The following TMEM40 variants were observed in gnomAD, a reference collection of about 807,000 sequenced individuals.
The protein encoded by TMEM40 is transmembrane protein 40.
In TMEM40, 34 loss-of-function variants were observed where a neutral mutation model predicts 40.8. That is an observed-to-expected ratio of 0.83 (90% confidence interval 0.63 to 1.11). The LOEUF is 1.11. TMEM40 is among the 50% of genes least tolerant of loss of function. The pLI, the probability that TMEM40 is intolerant of heterozygous loss-of-function variation, is 0.00. For synonymous variants in TMEM40, 106 were observed against 107.0 expected (o/e 0.99, Z 0.06); for missense variants, 296 against 280.2 (o/e 1.06, Z -0.40).
chr3:12,749,245 C>T (rs1241639733), intron 2 of TMEM40, among the ~76,000 whole-genome samples: 3 of 152,050 alleles, frequency 2.0e-5, no homozygotes, highest in African/African-American at 7.2e-5. Context: ...AGGATGGTCT[C>T]GATCTCCTGA....
At chr3:12,739,451 A>AT (rs955432179) in intron 5 of TMEM40, among the ~76,000 whole-genome samples, 1 of 151,530 alleles carries the variant, frequency 6.6e-6, no homozygotes, top group Non-Finnish European at 1.5e-5. Context: ...CGCCTGGCTA[A>AT]TTTTTTGTAT....
intron 10 of TMEM40, 94 bp downstream of exon 10, chr3:12,736,484 C>T: frequency 6.9e-7 from 1 of 1,453,904 alleles, no homozygotes; most frequent in Non-Finnish European, 9.4e-7. Flanking sequence ...TTGTGACTCT[C>T]TGGTCCATAC....
Position 12,736,636 on chromosome 3 carries a change from A to C in TMEM40, c.561T>G (p.Leu187=), listed in dbSNP as rs2061339842. 1.9e-6 allele frequency: 3 copies of C among 1,596,958 alleles called. No homozygotes were observed. The highest frequency in any genetic ancestry group is 2.6e-6 in the Non-Finnish European group (3 of 1,171,558). Residue 187 remains leucine, a synonymous_variant, in exon 10 of 12, where the codon CTT becomes CTG. Transcript: ENST00000314124. ...AGGCGAAGGTGAGCAGGCCGACCCC[A>C]AGAGACATGAACCAGTCTGGAAGGG... The part of the protein sequence containing the change: ...YHYYADWFMS[L]GVGLLTFASL...
chr3:12,755,283 C>CTTTCT (rs56223138), intron 1 of TMEM40, among the ~76,000 whole-genome samples: 1,806 of 97,138 alleles, frequency 0.019, 32 homozygotes, highest in African/African-American at 0.019. Context: ...TTCTTTCTTT[C>CTTTCT]TTCTTTTCTA....
chr3:12,738,981 C>T (rs952598721), intron 5 of TMEM40: 13 of 206,886 alleles, frequency 6.3e-5, no homozygotes, highest in Admixed American at 1.0e-4. Flanking sequence ...GGTGAAACCC[C>T]GTCTCTACTA....
chr3:12,752,091 C>T (rs2061482047), intron 1 of TMEM40, among the ~76,000 whole-genome samples: 1 of 152,110 alleles, frequency 6.6e-6, no homozygotes, highest in South Asian at 2.1e-4. Flanking sequence ...CTCCACTATC[C>T]CTAGCTTTTG....
intron 5 of TMEM40, among the ~76,000 whole-genome samples, chr3:12,741,681 C>T (rs1304387251): frequency 1.3e-5 from 2 of 150,864 alleles, no homozygotes; most frequent in Non-Finnish European, 2.9e-5. Flanking sequence ...AAAGGTTTAT[C>T]TTATTTTATA....
chr3:12,741,949 T>C (rs769311656), intron 5 of TMEM40, among the ~76,000 whole-genome samples: 2 of 150,798 alleles, frequency 1.3e-5, no homozygotes, highest in African/African-American at 2.4e-5. Context: ...TACAAAAAAT[T>C]GGCCGGGCGC....
chr3:12,765,529 T>C (rs1403535453), intron 1 of TMEM40, among the ~76,000 whole-genome samples: 1 of 151,898 alleles, frequency 6.6e-6, no homozygotes, highest in Non-Finnish European at 1.5e-5. Flanking sequence ...CACTAAATGG[T>C]TGCTTTGGGT....
intron 1 of TMEM40, among the ~76,000 whole-genome samples, chr3:12,755,213 TTCTC>T (rs754041538): frequency 0.016 from 1,538 of 94,190 alleles, 36 homozygotes; most frequent in Admixed American, 0.019. Context: ...CTTTCTTTCT[TTCTC>T]TCTCTCTCTC....
At chr3:12,760,757 T>TG (rs1453373014), upstream of TMEM40, among the ~76,000 whole-genome samples, 1 of 152,096 alleles carries the variant, frequency 6.6e-6, no homozygotes, top group African/African-American at 2.4e-5. Context: ...TTTTTTTTTT[T>TG]TTGAGTCAGG....
intron 5 of TMEM40, among the ~76,000 whole-genome samples, chr3:12,740,793 G>A (rs1191972245): frequency 6.6e-6 from 1 of 152,100 alleles, no homozygotes; most frequent in East Asian, 1.9e-4. Context: ...AGGAGGTGGA[G>A]GTTGCAGTGA....
Position 12,736,621 on chromosome 3 carries a change from G to A in TMEM40, c.576C>T (p.Leu192=), listed in dbSNP as rs749095466. Residue 192 remains leucine, a synonymous_variant, in exon 10 of 12, where the codon CTC becomes CTT. Transcript: ENST00000314124. Reference sequence around the variant, plus strand: ...CAACGGTTTCCAGGGAGGCGAAGGTGAGCAGGCCGACCCCAAGAGACATGA... The same window carrying A: ...CAACGGTTTCCAGGGAGGCGAAGGTAAGCAGGCCGACCCCAAGAGACATGA... ...DWFMSLGVGL[L]TFASLETVGI... is the part of the protein sequence containing the mutation. 2.0e-5 allele frequency: 31 copies of A among 1,578,440 alleles called. No homozygotes were observed. Among genetic ancestry groups the A allele is most frequent in the Admixed American group, 7.5e-5 (4 of 53,080 alleles).
intron 1 of TMEM40, among the ~76,000 whole-genome samples, chr3:12,758,622 G>C (rs942627458): frequency 6.6e-6 from 1 of 152,160 alleles, no homozygotes; most frequent in African/African-American, 2.4e-5. Flanking sequence ...CTCCCCGGGG[G>C]TGCCTTTGAG....
chr3:12,740,292 G>A (rs534826339), intron 5 of TMEM40, among the ~76,000 whole-genome samples: 10 of 150,576 alleles, frequency 6.6e-5, no homozygotes, highest in Admixed American at 1.3e-4. Context: ...GTTTTGCCAC[G>A]TTGGCCAGGC....
chr3:12,765,485 G>A (rs1356955832), intron 1 of TMEM40, among the ~76,000 whole-genome samples: 1 of 152,004 alleles, frequency 6.6e-6, no homozygotes, highest in Non-Finnish European at 1.5e-5. Context: ...ACAAACCATC[G>A]CTGGAGATCC....
intron 10 of TMEM40, 110 bp from the exon 11 acceptor site, chr3:12,735,727 C>T (rs1431666876): frequency 8.3e-6 from 7 of 844,902 alleles, no homozygotes; most frequent in Non-Finnish European, 1.3e-5. Flanking sequence ...GATGGTGGAA[C>T]TTCAGGCAGC....
intron 3 of TMEM40, among the ~76,000 whole-genome samples, chr3:12,747,657 C>T (rs968428124): frequency 6.6e-6 from 1 of 152,136 alleles, no homozygotes; most frequent in Admixed American, 6.5e-5. Context: ...CCCCTATAAT[C>T]CCAGCACTTT....
chr3:12,761,334 G>A (rs531327445), upstream of TMEM40, among the ~76,000 whole-genome samples: 129 of 152,328 alleles, frequency 8.5e-4, no homozygotes, highest in South Asian at 5.8e-3. Flanking sequence ...CCTGGGAGCC[G>A]TGGCTCACGC....
Sources: gnomAD v4.1 joint callset for allele counts (sites outside exome capture counted in the v4.1 genomes callset) on GRCh38, gnomAD v4.1.1 for gene constraint, MANE v1.5 for transcripts, NCBI Gene and HGNC (gene_info 2026-07-23, HGNC 2026-07-21) for gene names.